CHST15: variants seen among roughly 807,000 people sequenced by gnomAD.
CHST15 encodes the protein B cell RAG associated protein (GALNAC4S-6ST).
In CHST15, 30 loss-of-function variants were observed where a neutral mutation model predicts 53.6. That is an observed-to-expected ratio of 0.56 (90% CI 0.42 to 0.76). CHST15 has a LOEUF of 0.76. Among genes scored for constraint, CHST15 ranks in the 30% least tolerant of loss-of-function variants. The pLI, the probability that CHST15 is intolerant of heterozygous loss-of-function variation, is 0.00. For missense variants in CHST15, 627 were observed against 740.5 expected (o/e 0.85, Z 1.78); for synonymous variants, 296 against 289.8 (o/e 1.02, Z -0.22).
At chr10:124,015,351 C>G (rs556363571) in intron 6 of CHST15, among the ~76,000 whole-genome samples, 7 of 149,474 alleles carry the variant, frequency 4.7e-5, no homozygotes, top group Non-Finnish European at 1.0e-4. Flanking sequence ...TGAAGTTAAC[C>G]GTGCCAGCTG....
At chr10:124,012,549 G>C in intron 6 of CHST15, 69 bp from the exon 7 acceptor site, 1 of 1,514,648 alleles carries the variant, frequency 6.6e-7, no homozygotes, top group South Asian at 1.2e-5. Flanking sequence ...CTTTTCCAAA[G>C]TGGTATGGCA....
intron 1 of CHST15, among the ~76,000 whole-genome samples, chr10:124,077,001 G>A (rs577909674): frequency 6.6e-6 from 1 of 152,300 alleles, no homozygotes; most frequent in South Asian, 2.1e-4. Context: ...GAGCCACCGC[G>A]CCCGGCCAAT....
At chr10:124,010,711 G>A (rs1197481231) in intron 7 of CHST15, 1 of 985,352 alleles carries the variant, frequency 1.0e-6, no homozygotes, top group Non-Finnish European at 1.2e-6. Flanking sequence ...GCCGAGCACA[G>A]CCCACGGGTT....
chr10:124,027,929 T>C (rs1453201915), intron 5 of CHST15, among the ~76,000 whole-genome samples: 1 of 152,212 alleles, frequency 6.6e-6, no homozygotes, highest in African/African-American at 2.4e-5. Context: ...CTAGAGTGGG[T>C]GCTGGCCGTC....
intron 1 of CHST15, among the ~76,000 whole-genome samples, chr10:124,054,605 T>C (rs1948312563): frequency 6.6e-6 from 1 of 152,154 alleles, no homozygotes; most frequent in African/African-American, 2.4e-5. Context: ...AAATAAGACA[T>C]TATGCCAGGC....
At position 124,019,887 on chromosome 10, in the gene CHST15, C is replaced by CGTTCTGTA; in HGVS notation, c.1347+1361_1347+1368dup. ...ATCTCCCACACCAGGCGGCTGGCTG[C>CGTTCTGTA]GTTCTGTATGGTAGGTGGTGCTGAC... is the stretch of plus-strand genomic sequence containing the variant. On this transcript the variant is annotated intron_variant, in intron 6 of 7. Coordinates refer to ENST00000435907, the MANE Select transcript of CHST15 (RefSeq NM_001270764.2). The surrounding 1 kb of genome is among the most constrained non-coding windows in gnomAD (Gnocchi z 4.6). The CGTTCTGTA allele has an allele frequency of 1.0e-6, 1 of 985,964 alleles. No homozygotes were observed. The highest frequency in any genetic ancestry group is 1.2e-6 in the Non-Finnish European group (1 of 830,370). The allele number at this position is 985,964 out of a possible 1,614,324, so 61.1% of individuals were successfully genotyped here. A position where few individuals can be genotyped will look rare whatever the true frequency, so the allele number is the denominator to read the frequency against.
At chr10:124,035,101 A>ACCCCGGCTCCGCCCCCTAACG (rs1947414845) in intron 5 of CHST15, among the ~76,000 whole-genome samples, 1 of 119,364 alleles carries the variant, frequency 8.4e-6, no homozygotes, top group African/African-American at 3.4e-5. Context: ...CACCCCTAAC[A>ACCCCGGCTCCGCCCCCTAACG]GGGACCCCGG....
chr10:124,043,001 G>A (rs1947800850), intron 3 of CHST15, among the ~76,000 whole-genome samples: 1 of 152,114 alleles, frequency 6.6e-6, no homozygotes, highest in Non-Finnish European at 1.5e-5. Flanking sequence ...AACAGTAAGG[G>A]GAACTGATCA....
rs932920314 is a variant in CHST15 at position 124,034,405 on chromosome 10, G to A, written c.1190+4110C>T. On this transcript the variant is annotated intron_variant, in intron 5 of 7. Coordinates refer to ENST00000435907, the MANE Select transcript of CHST15 (RefSeq NM_001270764.2). ...GGCAGGTCTTGCTCCTTGCTGAGCC[G>A]CTTGCACCTGCACGGTGCTGCTGTC... is the stretch of plus-strand genomic sequence containing the variant. 1.4e-4 allele frequency among the ~76,000 whole-genome samples: 21 copies of A among 152,050 alleles called. 1 individual carries two copies. Among genetic ancestry groups the A allele is most frequent in the South Asian group, 4.1e-4 (2 of 4,836 alleles).
At position 124,077,294 on chromosome 10, in the gene CHST15, A is replaced by C. The variant is rs888390000; in HGVS notation, c.-513+16175T>G. ...CTTACATTCTATACCAGGAATGAGG[A>C]TAGCAAAGGCTGTTTCCATGAGCCT... is the stretch of plus-strand genomic sequence containing the variant. On this transcript the variant is annotated intron_variant, in intron 1 of 7. Coordinates refer to ENST00000435907, the MANE Select transcript of CHST15 (RefSeq NM_001270764.2). Among the ~76,000 whole-genome samples the C allele has an allele frequency of 2.0e-5, 3 of 152,350 alleles. No individual in the cohort carries two copies. In the East Asian group the frequency reaches 5.8e-4, roughly 29 times the overall value.
At chr10:124,030,922 C>T (rs142268035) in intron 5 of CHST15, among the ~76,000 whole-genome samples, 2 of 152,378 alleles carry the variant, frequency 1.3e-5, no homozygotes, top group African/African-American at 4.8e-5. Flanking sequence ...ATCCTGCTCC[C>T]TCTGATGTGG....
chr10:124,080,830 T>G (rs1352342703), intron 1 of CHST15, among the ~76,000 whole-genome samples: 1 of 152,254 alleles, frequency 6.6e-6, no homozygotes, highest in African/African-American at 2.4e-5. Context: ...TACTCTTGCC[T>G]GTTTTCCTTT....
chr10:124,057,459 C>A (rs541805466), intron 1 of CHST15, among the ~76,000 whole-genome samples: 2 of 152,284 alleles, frequency 1.3e-5, no homozygotes, highest in South Asian at 4.1e-4. Flanking sequence ...TTTGCTGGGG[C>A]TCCAAAGACA....
At chr10:124,051,748 C>T (rs915946586) in intron 1 of CHST15, among the ~76,000 whole-genome samples, 1 of 152,172 alleles carries the variant, frequency 6.6e-6, no homozygotes, top group Non-Finnish European at 1.5e-5. Flanking sequence ...CTTGCTTGGA[C>T]ACCCCCTATT....
chr10:124,023,347 G>A (rs562234904), intron 5 of CHST15, among the ~76,000 whole-genome samples: 10 of 151,896 alleles, frequency 6.6e-5, no homozygotes, highest in Admixed American at 1.3e-4. Flanking sequence ...TTAGCCAGGC[G>A]TGGTGGTGCG....
intron 1 of CHST15, among the ~76,000 whole-genome samples, chr10:124,062,835 G>A (rs920613373): frequency 6.6e-6 from 1 of 152,066 alleles, no homozygotes; most frequent in Non-Finnish European, 1.5e-5. Flanking sequence ...GGACTTAAAC[G>A]CAAGCTGAAG....
chr10:124,070,722 G>A (rs1159790403), intron 1 of CHST15, among the ~76,000 whole-genome samples: 8 of 152,172 alleles, frequency 5.3e-5, no homozygotes. Context: ...CTCAAGTGTA[G>A]AGCCCTGGGA....
At chr10:124,086,088 C>T (rs756425976) in intron 1 of CHST15, among the ~76,000 whole-genome samples, 1 of 152,186 alleles carries the variant, frequency 6.6e-6, no homozygotes, top group African/African-American at 2.4e-5. Context: ...CTGTGAATTG[C>T]GTTCAACTTA....
At chr10:124,068,283 T>C (rs1345182508) in intron 1 of CHST15, among the ~76,000 whole-genome samples, 1 of 152,166 alleles carries the variant, frequency 6.6e-6, no homozygotes, top group South Asian at 2.1e-4. Context: ...CTCCACGGCC[T>C]GACACTTAGC....
Sources: allele counts gnomAD v4.1 joint callset (sites outside exome capture counted in the v4.1 genomes callset), GRCh38; gene constraint gnomAD v4.1.1; non-coding constraint Gnocchi (gnomAD v3.1); transcripts MANE v1.5; gene names NCBI Gene and HGNC (gene_info 2026-07-23, HGNC 2026-07-21).